The following CLSTN2 variants were observed in gnomAD, a reference collection of about 807,000 sequenced individuals.
The protein encoded by CLSTN2 is calsyntenin 2.
In CLSTN2, 48 loss-of-function variants were observed where a neutral mutation model predicts 101.2. The observed-to-expected ratio is 0.47, with a 90% CI of 0.38 to 0.60. The LOEUF (loss-of-function observed/expected upper bound fraction) is 0.60, where lower values mean the gene tolerates loss of function less well. CLSTN2 is among the 20% of genes least tolerant of loss of function. CLSTN2 has a pLI of 0.00. For missense variants in CLSTN2, 1,160 were observed against 1,238.2 expected, an observed-to-expected ratio of 0.94 and a Z score of 0.95; for synonymous variants, 481 against 463.6, an observed-to-expected ratio of 1.04 and a Z score of -0.48.
chr3:140,147,145 C>A (rs1055717925), intron 1 of CLSTN2, among the ~76,000 whole-genome samples: 3 of 152,226 alleles, frequency 2.0e-5, no homozygotes, highest in Admixed American at 2.0e-4. Context: ...AAATACAAGA[C>A]TACTTCCGTG....
intron 1 of CLSTN2, among the ~76,000 whole-genome samples, chr3:139,983,208 T>C (rs1480001031): frequency 6.6e-6 from 1 of 152,128 alleles, no homozygotes; most frequent in Admixed American, 6.6e-5. Context: ...TGGCGAAATT[T>C]GATTATACAT....
At chr3:140,164,223 T>A (rs1027026234) in intron 1 of CLSTN2, among the ~76,000 whole-genome samples, 6 of 151,642 alleles carry the variant, frequency 4.0e-5, no homozygotes, top group Admixed American at 2.6e-4. Context: ...GCATGGCTCC[T>A]GATCTTCTTC....
At chr3:140,362,463 TA>T (rs2087739239) in intron 2 of CLSTN2, among the ~76,000 whole-genome samples, 2 of 152,316 alleles carry the variant, frequency 1.3e-5, no homozygotes, top group African/African-American at 4.8e-5. Context: ...ATAATGGAGT[TA>T]ATCAAAATTT....
chr3:140,261,793 T>C (rs2086656852), intron 2 of CLSTN2, among the ~76,000 whole-genome samples: 1 of 152,192 alleles, frequency 6.6e-6, no homozygotes, highest in Non-Finnish European at 1.5e-5. Flanking sequence ...TGGATCATTG[T>C]AGCCACCTTC....
intron 1 of CLSTN2, among the ~76,000 whole-genome samples, chr3:140,091,115 G>A (rs1054382174): frequency 6.6e-6 from 1 of 152,070 alleles, no homozygotes; most frequent in Non-Finnish European, 1.5e-5. Flanking sequence ...TTTAAACGTG[G>A]GATAATGACC....
rs1202951149 is a variant in CLSTN2 at position 140,573,498 on chromosome 3, G to T, written c.*7245G>T. 1 of 152,114 alleles carries T rather than the reference G, an allele frequency of 6.6e-6. No homozygotes were observed. Among genetic ancestry groups the T allele is most frequent in the Non-Finnish European group, 1.5e-5 (1 of 68,030 alleles). 9.4% of individuals were successfully genotyped at this position (152,114 alleles called of 1,614,324 possible). A position where few individuals can be genotyped will look rare whatever the true frequency, so the allele number is the denominator to read the frequency against. On this transcript the variant is annotated 3_prime_UTR_variant, in exon 17 of 17. Transcript: ENST00000458420. ...TTCACCAATTCTCCTTTCCCCTGAG[G>T]CCCAGCAACTATTGATTTATAGCTT...
In CLSTN2 at chr3:140,233,261, C is replaced by T. The variant is rs190635166; in HGVS notation, c.232+57188C>T. Among the ~76,000 whole-genome samples, 502 of 152,284 alleles carry T rather than the reference C, an allele frequency of 3.3e-3. 3 individuals carry two copies. Among genetic ancestry groups the T allele is most frequent in the Non-Finnish European group, 4.1e-3 (277 of 68,022 alleles). ...GCTTTTATGCATTGCTCACTCTGCTCCACTGACACTTGGTCGACTCCGCAT... is the reference window on the plus strand; with the variant it reads ...GCTTTTATGCATTGCTCACTCTGCTTCACTGACACTTGGTCGACTCCGCAT... On this transcript the variant is annotated intron_variant, in intron 2 of 16. Coordinates refer to ENST00000458420, the MANE Select transcript of CLSTN2 (RefSeq NM_022131.3).
intron 2 of CLSTN2, among the ~76,000 whole-genome samples, chr3:140,323,193 A>T (rs1314913532): frequency 6.6e-6 from 1 of 152,174 alleles, no homozygotes; most frequent in Non-Finnish European, 1.5e-5. Flanking sequence ...TTCCCACAGC[A>T]GTGGGCTTCC....
Position 140,566,390 on chromosome 3 carries a change from C to T in CLSTN2, c.*137C>T. ...CTTCTCCAGCTTCCTGGAGCCCACC[C>T]TTTAAGCCTTGGGCACTCCCTGTGT... On this transcript the variant is annotated 3_prime_UTR_variant, in exon 17 of 17. Transcript: ENST00000458420. 1 of 852,124 alleles carries T rather than the reference C, an allele frequency of 1.2e-6. No individual in the cohort carries two copies. The highest frequency in any genetic ancestry group is 2.7e-5 in the East Asian group (1 of 37,670). 52.8% of individuals were successfully genotyped at this position (852,124 alleles called of 1,614,324 possible). A position where few individuals can be genotyped will look rare whatever the true frequency, so the allele number is the denominator to read the frequency against.
At chr3:140,213,021 T>C (rs566315666) in intron 2 of CLSTN2, among the ~76,000 whole-genome samples, 1 of 152,212 alleles carries the variant, frequency 6.6e-6, no homozygotes, top group South Asian at 2.1e-4. Flanking sequence ...GGCAAATAAA[T>C]GAACCCATCA....
At chr3:140,532,507 T>C in intron 9 of CLSTN2, 21 bp downstream of exon 9, 1 of 1,603,982 alleles carries the variant, frequency 6.2e-7, no homozygotes, top group East Asian at 2.2e-5. Flanking sequence ...GTGAAACCCT[T>C]TTCTCTGACC....
intron 1 of CLSTN2, among the ~76,000 whole-genome samples, chr3:139,962,516 A>T (rs1935530748): frequency 6.6e-6 from 1 of 152,216 alleles, no homozygotes; most frequent in African/African-American, 2.4e-5. Flanking sequence ...CCAGAATTTT[A>T]TTTAAACAGA....
intron 2 of CLSTN2, among the ~76,000 whole-genome samples, chr3:140,360,279 T>C (rs115443877): frequency 1.8e-3 from 271 of 152,296 alleles, no homozygotes; most frequent in African/African-American, 6.1e-3. Context: ...GGCCTCTGTT[T>C]TCATGGTGCT....
intron 8 of CLSTN2, among the ~76,000 whole-genome samples, chr3:140,494,863 T>C (rs1238714910): frequency 2.0e-5 from 3 of 152,218 alleles, no homozygotes; most frequent in East Asian, 1.9e-4. Context: ...CAGTCTATCA[T>C]TGATGGACAT....
At chr3:140,256,413 G>A (rs1220382082) in intron 2 of CLSTN2, among the ~76,000 whole-genome samples, 2 of 152,182 alleles carry the variant, frequency 1.3e-5, no homozygotes, top group Non-Finnish European at 2.9e-5. Context: ...TATGGTGGAA[G>A]TCTGATATTT....
At chr3:140,406,130 T>C (rs552584753) in intron 4 of CLSTN2, among the ~76,000 whole-genome samples, 1 of 152,226 alleles carries the variant, frequency 6.6e-6, no homozygotes, top group African/African-American at 2.4e-5. Context: ...TACCTCCTGA[T>C]AGCCAATGTC....
chr3:140,421,025 T>C, intron 4 of CLSTN2, 100 bp from the exon 5 acceptor site: 2 of 1,234,242 alleles, frequency 1.6e-6, no homozygotes, highest in South Asian at 1.4e-5. Context: ...AAAGGGTCAC[T>C]TTCTTCCTGT....
chr3:140,533,411 T>G (rs913937463), intron 9 of CLSTN2, among the ~76,000 whole-genome samples: 1 of 152,162 alleles, frequency 6.6e-6, no homozygotes, highest in Non-Finnish European at 1.5e-5. Flanking sequence ...AGGTGGGCTA[T>G]AGTATAAGAA....
chr3:139,999,940 G>T (rs143216454), intron 1 of CLSTN2, among the ~76,000 whole-genome samples: 1 of 129,126 alleles, frequency 7.7e-6, no homozygotes, highest in African/African-American at 3.3e-5. Context: ...GGGCAATGGC[G>T]TGAAACCTTG....
Sources: allele counts gnomAD v4.1 joint callset (sites outside exome capture counted in the v4.1 genomes callset), GRCh38; gene constraint gnomAD v4.1.1; transcripts MANE v1.5; gene names NCBI Gene and HGNC (gene_info 2026-07-23, HGNC 2026-07-21).